Variants in SVOP observed in about 807,000 individuals in gnomAD.
SVOP encodes synaptic vesicle 2-related protein.
In SVOP, 17 loss-of-function variants were observed where a neutral mutation model predicts 69.1. That is an observed-to-expected ratio of 0.25 (90% CI 0.17 to 0.37). SVOP has a LOEUF of 0.37. Among genes scored for constraint, SVOP ranks in the 10% least tolerant of loss-of-function variants. The pLI, the probability that SVOP is intolerant of heterozygous loss-of-function variation, is 1.00. For missense variants in SVOP, 435 were observed against 597.5 expected (o/e 0.73, Z 2.84); for synonymous variants, 238 against 238.6 (o/e 1.00, Z 0.02).
rs2039685087 is a variant in SVOP, at chr12:108,911,813, GCCTCAGT to G, written c.*715_*721del. 1.3e-5 allele frequency: 2 copies of G among 152,136 alleles called. No individual in the cohort carries two copies. The highest frequency in any genetic ancestry group is 4.1e-4 in the South Asian group (2 of 4,830). 9.4% of individuals were successfully genotyped at this position (152,136 alleles called of 1,614,324 possible). On this transcript the variant is annotated 3_prime_UTR_variant, in exon 16 of 16. Transcript: ENST00000610966. ...TCTGACTTCAGCTTGATTCACTTTG[GCCTCAGT>G]CCTCAGTTCCCAGGGGGTAACGGCG...
At chr12:109,000,218 G>T (rs1279852868) in intron 1 of SVOP, among the ~76,000 whole-genome samples, 1 of 151,776 alleles carries the variant, frequency 6.6e-6, no homozygotes, top group Non-Finnish European at 1.5e-5. Flanking sequence ...TAGAAGAAAT[G>T]GATAAATTCC....
intron 1 of SVOP, among the ~76,000 whole-genome samples, chr12:108,997,623 C>G (rs1253018034): frequency 2.6e-5 from 4 of 151,492 alleles, no homozygotes; most frequent in Admixed American, 2.6e-4. Context: ...TGAGAACGGG[C>G]AGACTGCCTC....
chr12:108,970,980 TG>T (rs2040075491), intron 5 of SVOP, among the ~76,000 whole-genome samples: 1 of 152,198 alleles, frequency 6.6e-6, no homozygotes, highest in South Asian at 2.1e-4. Flanking sequence ...ATTGCACCTT[TG>T]CACTCCAGCC....
intron 15 of SVOP, among the ~76,000 whole-genome samples, chr12:108,915,173 A>C (rs79944022): frequency 1.5e-3 from 78 of 52,788 alleles, no homozygotes; most frequent in African/African-American, 3.8e-3. Flanking sequence ...ACTCCATCCC[A>C]AAAAAAAAAA....
At chr12:108,951,841 T>C (rs1343102041) in intron 6 of SVOP, among the ~76,000 whole-genome samples, 1 of 152,264 alleles carries the variant, frequency 6.6e-6, no homozygotes, top group Non-Finnish European at 1.5e-5. Context: ...TCCCGGTATC[T>C]ATGCACCTTT....
intron 1 of SVOP, among the ~76,000 whole-genome samples, chr12:108,989,652 C>G (rs907303450): frequency 6.6e-6 from 1 of 152,138 alleles, no homozygotes; most frequent in East Asian, 1.9e-4. Context: ...TCCCCTCCAC[C>G]AGGGGCAATC....
chr12:108,929,716 C>T (rs1309519230), intron 11 of SVOP, among the ~76,000 whole-genome samples: 10 of 152,210 alleles, frequency 6.6e-5, no homozygotes, highest in Non-Finnish European at 1.3e-4. Flanking sequence ...TAAATCCCCA[C>T]TTTGAATACT....
intron 6 of SVOP, among the ~76,000 whole-genome samples, chr12:108,949,076 G>A (rs892598801): frequency 4.6e-5 from 7 of 152,042 alleles, no homozygotes; most frequent in Non-Finnish European, 7.4e-5. Flanking sequence ...AACCTATAAC[G>A]TATATCATGA....
intron 1 of SVOP, among the ~76,000 whole-genome samples, chr12:109,006,546 C>T (rs111280729): frequency 1.6e-4 from 25 of 152,218 alleles, no homozygotes; most frequent in African/African-American, 5.5e-4. Flanking sequence ...AGGGGGAGAA[C>T]GTGACCAAGA....
rs774743000 is a variant in SVOP at position 109,020,823 on chromosome 12, A to G, written c.35+11T>C. On this transcript the variant is annotated intron_variant, in intron 1 of 15. Coordinates refer to ENST00000610966, the MANE Select transcript of SVOP (RefSeq NM_018711.5). ...GCCTGTCTGCCTCTTGCTCGCCCCCATGATACTCACGGCAGCTGCCTTAGC... is the reference window on the plus strand; with the variant it reads ...GCCTGTCTGCCTCTTGCTCGCCCCCGTGATACTCACGGCAGCTGCCTTAGC... 3.8e-6 allele frequency: 2 copies of G among 520,228 alleles called. No homozygotes were observed. Among genetic ancestry groups the G allele is most frequent in the Non-Finnish European group, 7.3e-6 (2 of 273,674 alleles). The allele number at this position is 520,228 out of a possible 1,614,324, so 32.2% of individuals were successfully genotyped here. A position where few individuals can be genotyped will look rare whatever the true frequency, so the allele number is the denominator to read the frequency against.
At chr12:108,930,491 G>A (rs1053110159) in intron 11 of SVOP, among the ~76,000 whole-genome samples, 5 of 149,288 alleles carry the variant, frequency 3.3e-5, no homozygotes, top group Non-Finnish European at 7.4e-5. Flanking sequence ...AGGCTGGAGT[G>A]CAGTGGCGTC....
At chr12:108,978,291 G>A (rs1008806304) in intron 3 of SVOP, 3 of 354,370 alleles carry the variant, frequency 8.5e-6, no homozygotes, top group Admixed American at 4.5e-5. Context: ...GAGCTCTACA[G>A]CTGACATCAT....
chr12:108,985,143 C>T (rs1376751520), intron 1 of SVOP, among the ~76,000 whole-genome samples: 1 of 151,796 alleles, frequency 6.6e-6, no homozygotes, highest in Non-Finnish European at 1.5e-5. Flanking sequence ...GGGAGGATCA[C>T]TTGAACCCAT....
rs1202948955 is a variant in SVOP, at chr12:108,977,470, G to T, written c.309C>A (p.Ile103=). Reference sequence around the variant, plus strand: ...GCAGCTGTGGTGCCAGGATGCTGAGGATCATCATCTCCATGGCATCAGCCA... The same window carrying T: ...GCAGCTGTGGTGCCAGGATGCTGAGTATCATCATCTCCATGGCATCAGCCA... The part of the protein sequence containing the change: ...AWMADAMEMM[I]LSILAPQLHC... The change falls in exon 4 of 16, where the codon ATC becomes ATA. Residue 103 remains isoleucine (I), a synonymous_variant. Transcript: ENST00000610966. 6.5e-7 allele frequency: 1 copy of T among 1,536,422 alleles called. No individual in the cohort carries two copies. Among genetic ancestry groups the T allele is most frequent in the Admixed American group, 2.0e-5 (1 of 50,984 alleles).
At chr12:108,912,766 T>C in intron 15 of SVOP, 25 bp from the exon 16 acceptor site, 1 of 1,605,800 alleles carries the variant, frequency 6.2e-7, no homozygotes, top group Non-Finnish European at 8.5e-7. Context: ...CACGGGTCGG[T>C]GAAAGCATCC....
At chr12:108,924,273 C>T (rs2039767384) in intron 11 of SVOP, among the ~76,000 whole-genome samples, 2 of 152,122 alleles carry the variant, frequency 1.3e-5, no homozygotes, top group East Asian at 1.9e-4. Flanking sequence ...TCTGTTGTTT[C>T]TAAGTTACCC....
chr12:108,984,018 GGTTATGT>G (rs2040155170), intron 1 of SVOP, among the ~76,000 whole-genome samples: 1 of 152,178 alleles, frequency 6.6e-6, no homozygotes, highest in Non-Finnish European at 1.5e-5. Flanking sequence ...TCACAAAGTA[GGTTATGT>G]GATTGAGGAT....
chr12:108,924,518 C>T (rs1370250905), intron 11 of SVOP, among the ~76,000 whole-genome samples: 1 of 152,088 alleles, frequency 6.6e-6, no homozygotes, highest in African/African-American at 2.4e-5. Context: ...AGCTGTTCAA[C>T]CTTCAAAATA....
At chr12:108,948,355 A>G (rs2039936312) in intron 6 of SVOP, among the ~76,000 whole-genome samples, 1 of 152,210 alleles carries the variant, frequency 6.6e-6, no homozygotes, top group South Asian at 2.1e-4. Flanking sequence ...TTCCTTACAG[A>G]GCATTTCACT....
Sources: allele counts gnomAD v4.1 joint callset (sites outside exome capture counted in the v4.1 genomes callset), GRCh38; gene constraint gnomAD v4.1.1; transcripts MANE v1.5; gene names NCBI Gene and HGNC (gene_info 2026-07-23, HGNC 2026-07-21).